Variants in PCNT observed in about 807,000 individuals in gnomAD.
PCNT encodes the protein pericentrin, also known as kendrin.
In PCNT, 319 loss-of-function variants were observed where a neutral mutation model predicts 380.4. The ratio of observed to expected loss-of-function variants is 0.84; its 90% confidence interval spans 0.77 to 0.92. The LOEUF is 0.92. Among genes scored for constraint, PCNT ranks in the 40% least tolerant of loss-of-function variants. PCNT has a pLI of 0.00. For synonymous variants in PCNT, 1,845 were observed against 1,735.2 expected (o/e 1.06, Z -1.57); for missense variants, 4,400 against 4,255.3 (o/e 1.03, Z -0.95).
At chr21:46,347,586 C>A in intron 6 of PCNT, 74 bp downstream of exon 6, 1 of 1,349,052 alleles carries the variant, frequency 7.4e-7, no homozygotes, top group Non-Finnish European at 1.1e-6. Context: ...CCCATGAGAA[C>A]GCTCCTCACC....
intron 21 of PCNT, among the ~76,000 whole-genome samples, chr21:46,396,009 G>A (rs1178309364): frequency 1.3e-5 from 2 of 148,616 alleles, no homozygotes; most frequent in Admixed American, 6.7e-5. Flanking sequence ...GAGACTTCAG[G>A]ATTCAGCAGC....
At chr21:46,436,890 T>C (rs2053473382) in intron 39 of PCNT, 89 bp from the exon 40 acceptor site, 1 of 963,080 alleles carries the variant, frequency 1.0e-6, no homozygotes, top group African/African-American at 1.6e-5. Context: ...ACCTGTCTTG[T>C]CTCTCTTGAG....
intron 14 of PCNT, 102 bp from the exon 15 acceptor site, chr21:46,366,482 C>T (rs2084932536): frequency 1.1e-6 from 1 of 927,100 alleles, no homozygotes; most frequent in African/African-American, 1.6e-5. Flanking sequence ...ATGACCTGAA[C>T]AGTTGAAGTG....
chr21:46,436,856 G>A (rs2053472339), intron 39 of PCNT, 123 bp from the exon 40 acceptor site: 4 of 771,116 alleles, frequency 5.2e-6, no homozygotes, highest in Non-Finnish European at 9.0e-6. Context: ...TGGACGAAGT[G>A]ATTCACACAC....
chr21:46,344,840 A>G (rs1394933758), intron 3 of PCNT, among the ~76,000 whole-genome samples: 1 of 152,164 alleles, frequency 6.6e-6, no homozygotes, highest in Non-Finnish European at 1.5e-5. Flanking sequence ...CAGAGGTGGG[A>G]ATGTTGAGAC....
chr21:46,415,073 G>A (rs905660280), intron 29 of PCNT, among the ~76,000 whole-genome samples: 2 of 152,222 alleles, frequency 1.3e-5, no homozygotes, highest in African/African-American at 4.8e-5. Flanking sequence ...CGAGCCCCTC[G>A]CAGCCCTCGT....
In PCNT at chr21:46,359,491, G is replaced by GTTTTTTTTTTTTTTTTTTTTTT. The variant is rs1219693835; in HGVS notation, c.2154+2316_2154+2317insTTTTTTTTTTTTTTTTTTTTTT. On this transcript the variant is annotated intron_variant, in intron 13 of 46. Transcript: ENST00000359568. ...CCAAAAATACACCTGTTTTTTTTTT[G>GTTTTTTTTTTTTTTTTTTTTTT]TTTTTTTTTTTTTTTTGAGACAGTG... Among the ~76,000 whole-genome samples, 29 of 66,074 alleles carry GTTTTTTTTTTTTTTTTTTTTTT rather than the reference G, an allele frequency of 4.4e-4. 1 individual carries two copies. Among genetic ancestry groups the GTTTTTTTTTTTTTTTTTTTTTT allele is most frequent in the African/African-American group, 5.7e-4 (12 of 20,970 alleles). 43.3% of individuals were successfully genotyped at this position (66,074 alleles called of 152,430 possible).
intron 19 of PCNT, among the ~76,000 whole-genome samples, chr21:46,390,097 G>C (rs560650922): frequency 6.6e-6 from 1 of 152,388 alleles, no homozygotes; most frequent in South Asian, 2.1e-4. Flanking sequence ...GGCCGTGGAC[G>C]GCCTCATGGA....
intron 31 of PCNT, among the ~76,000 whole-genome samples, chr21:46,421,584 C>G (rs1409797758): frequency 6.6e-6 from 1 of 152,258 alleles, no homozygotes; most frequent in African/African-American, 2.4e-5. Context: ...CCTGCCTTAT[C>G]TCCGTGGCTG....
chr21:46,360,942 T>A (rs2084692883), intron 13 of PCNT, among the ~76,000 whole-genome samples: 1 of 152,244 alleles, frequency 6.6e-6, no homozygotes, highest in African/African-American at 2.4e-5. Flanking sequence ...GTTCATTTTC[T>A]GTGAGATGCG....
In PCNT at chr21:46,343,018, G is replaced by A. The variant is rs4818836; in HGVS notation, c.640-3110G>A. Among the ~76,000 whole-genome samples the A allele has an allele frequency of 0.033, 4,966 of 152,186 alleles. 130 individuals carry two copies. Among genetic ancestry groups the A allele is most frequent in the Admixed American group, 0.077 (1,177 of 15,258 alleles). On this transcript the variant is annotated intron_variant, in intron 3 of 46. Coordinates refer to ENST00000359568, the MANE Select transcript of PCNT (RefSeq NM_006031.6). ...CTACTGATTTGTGTATGTTGATTTC[G>A]TGTCCTGAAACTTTACTGAATTCAT...
intron 42 of PCNT, among the ~76,000 whole-genome samples, chr21:46,440,464 A>C (rs2053577496): frequency 6.6e-6 from 1 of 152,232 alleles, no homozygotes; most frequent in Non-Finnish European, 1.5e-5. Flanking sequence ...CTGCAGCCTG[A>C]GGGAGGCCTG....
chr21:46,347,732 A>G (rs2146566212), intron 6 of PCNT, among the ~76,000 whole-genome samples: 1 of 152,310 alleles, frequency 6.6e-6, no homozygotes, highest in Admixed American at 6.5e-5. Context: ...GCATAACACA[A>G]AGGCACTGCT....
intron 31 of PCNT, among the ~76,000 whole-genome samples, chr21:46,419,393 T>A (rs1381907950): frequency 6.6e-6 from 1 of 152,176 alleles, no homozygotes; most frequent in African/African-American, 2.4e-5. Flanking sequence ...CAGAAATGTC[T>A]TCTCGTATTT....
chr21:46,388,907 C>T lies in PCNT; in HGVS notation c.3607+23C>T. ...CAGGTGAGTGTGCCGGGACCAGCTG[C>T]CCAGCCCTGTGCTTGCAGCCCCTCT... On this transcript the variant is annotated intron_variant, in intron 18 of 46. Coordinates refer to ENST00000359568, the MANE Select transcript of PCNT (RefSeq NM_006031.6). This position sits in a 1 kb window ranked among gnomAD's most constrained non-coding sequence, Gnocchi z 4.2. 5 of 1,578,166 alleles carry T rather than the reference C, an allele frequency of 3.2e-6. No individual in the cohort carries two copies. Among genetic ancestry groups the T allele is most frequent in the South Asian group, 1.1e-5 (1 of 88,632 alleles).
intron 15 of PCNT, among the ~76,000 whole-genome samples, chr21:46,368,188 G>A (rs377397645): frequency 6.6e-6 from 1 of 152,074 alleles, no homozygotes; most frequent in African/African-American, 2.4e-5. Context: ...GCTCACACCT[G>A]TAATCCCAGC....
chr21:46,393,245 T>G (rs2043119397), intron 21 of PCNT, among the ~76,000 whole-genome samples: 1 of 152,190 alleles, frequency 6.6e-6, no homozygotes, highest in Non-Finnish European at 1.5e-5. Context: ...AGTGAAGTGG[T>G]GCTGGAGACA....
intron 21 of PCNT, among the ~76,000 whole-genome samples, chr21:46,391,939 C>T (rs544291166): frequency 3.3e-5 from 5 of 152,304 alleles, no homozygotes; most frequent in Admixed American, 6.5e-5. Flanking sequence ...ATCTCAGGCA[C>T]GTGGGAGGCA....
intron 36 of PCNT, 47 bp from the exon 37 acceptor site, chr21:46,430,460 A>C (rs752936731): frequency 6.5e-7 from 1 of 1,548,400 alleles, no homozygotes; most frequent in South Asian, 1.2e-5. Flanking sequence ...CCCCGGGAAC[A>C]CACTCTGGCC....
Sources: allele counts gnomAD v4.1 joint callset (sites outside exome capture counted in the v4.1 genomes callset), GRCh38; gene constraint gnomAD v4.1.1; non-coding constraint Gnocchi (gnomAD v3.1); transcripts MANE v1.5; gene names NCBI Gene and HGNC (gene_info 2026-07-23, HGNC 2026-07-21).